ZNF705G: variants seen among roughly 807,000 people sequenced by gnomAD.
ZNF705G encodes putative zinc finger protein 705G.
ZNF705G carries 23 observed loss-of-function variants against 19.6 expected under a neutral mutation model. The ratio of observed to expected loss-of-function variants is 1.17; its 90% confidence interval spans 0.84 to 1.66. The LOEUF (loss-of-function observed/expected upper bound fraction) is 1.66. Ranked by LOEUF, ZNF705G falls within the 40% of genes most tolerant of loss-of-function variation. The pLI is 0.00. For missense variants in ZNF705G, 457 were observed against 354.4 expected (o/e 1.29, Z -2.32); for synonymous variants, 146 against 117.7 (o/e 1.24, Z -1.56).
rs1244703598 is a variant in ZNF705G, at chr8:7,356,139, C to G, written c.*1837G>C. On this transcript the variant is annotated 3_prime_UTR_variant, in exon 7 of 7. Coordinates refer to ENST00000400156, the MANE Select transcript of ZNF705G (RefSeq NM_001164457.3). ...ACATTTTTCAATTCTGAGGACAAGGCAGAGGAGGGCCCCTCTGTGAGAACT... is the reference window on the plus strand; with the variant it reads ...ACATTTTTCAATTCTGAGGACAAGGGAGAGGAGGGCCCCTCTGTGAGAACT... 2 of 149,262 alleles carry G rather than the reference C, an allele frequency of 1.3e-5. No homozygotes were observed. 9.2% of individuals were successfully genotyped at this position (149,262 alleles called of 1,614,324 possible). A position where few individuals can be genotyped will look rare whatever the true frequency, so the allele number is the denominator to read the frequency against.
chr8:7,358,615 T>G (rs1376666761), intron 6 of ZNF705G, 55 bp from the exon 7 acceptor site: 2 of 1,600,478 alleles, frequency 1.2e-6, no homozygotes, highest in Non-Finnish European at 1.7e-6. Context: ...ATCTATACAT[T>G]CATTTCACTA....
chr8:7,370,235 C>G (rs1280140823), intron 2 of ZNF705G, among the ~76,000 whole-genome samples: 9 of 145,992 alleles, frequency 6.2e-5, no homozygotes, highest in African/African-American at 2.5e-4. Context: ...CACGCCACTG[C>G]ACTCCAGCCT....
chr8:7,359,523 G>C (rs1302041949), intron 6 of ZNF705G, 96 bp downstream of exon 6: 6 of 1,566,462 alleles, frequency 3.8e-6, no homozygotes, highest in South Asian at 2.4e-5. Flanking sequence ...CTTAATGCCA[G>C]CTTAATTACA....
At chr8:7,379,738 A>C (rs2128847246) in intron 2 of ZNF705G, among the ~76,000 whole-genome samples, 1 of 147,430 alleles carries the variant, frequency 6.8e-6, no homozygotes, top group South Asian at 2.1e-4. Flanking sequence ...ACAGTCTCTC[A>C]GCCCTCGCAG....
At chr8:7,379,460 C>G (rs1170748032) in intron 2 of ZNF705G, among the ~76,000 whole-genome samples, 4 of 146,796 alleles carry the variant, frequency 2.7e-5, no homozygotes, top group African/African-American at 1.1e-4. Context: ...AGATGGCTGA[C>G]TAGAGGTACC....
At chr8:7,364,648 C>A (rs1228242691) in intron 2 of ZNF705G, among the ~76,000 whole-genome samples, 1 of 149,606 alleles carries the variant, frequency 6.7e-6, no homozygotes, top group Non-Finnish European at 1.5e-5. Flanking sequence ...TATTTAGACC[C>A]CAGGTCCCAA....
intron 5 of ZNF705G, 36 bp downstream of exon 5, chr8:7,360,201 C>G: frequency 6.3e-7 from 1 of 1,587,588 alleles, no homozygotes; most frequent in South Asian, 1.1e-5. Flanking sequence ...TGACAAAGCA[C>G]CTCCTCCTAT....
intron 2 of ZNF705G, among the ~76,000 whole-genome samples, chr8:7,380,802 C>A (rs1807456354): frequency 6.9e-6 from 1 of 145,210 alleles, no homozygotes; most frequent in East Asian, 1.9e-4. Context: ...GGCAGATCAC[C>A]CGAGGTCGGG....
rs111831357 is a variant in ZNF705G, at chr8:7,359,508, A to G, written c.318+111T>C. The G allele has an allele frequency of 6.0e-5, 93 of 1,546,790 alleles. 5 individuals carry two copies. The African/African-American group carries it at 9.2e-4, about 15-fold the overall frequency. On this transcript the variant is annotated intron_variant, in intron 6 of 6. Transcript: ENST00000400156. ...ATCCAATTTTTTTTTTTTGCTTAGA[A>G]AACACTTAATGCCAGCTTAATTACA...
At chr8:7,368,923 T>C (rs1377110175) in intron 2 of ZNF705G, among the ~76,000 whole-genome samples, 2 of 149,332 alleles carry the variant, frequency 1.3e-5, no homozygotes, top group Non-Finnish European at 2.9e-5. Context: ...GGTACAGGAG[T>C]ACACTGCTGA....
chr8:7,383,412 A>G (rs541970064), intron 1 of ZNF705G, among the ~76,000 whole-genome samples: 10 of 146,516 alleles, frequency 6.8e-5, no homozygotes, highest in Non-Finnish European at 1.2e-4. Context: ...CTAAAGTAAC[A>G]GGCACTGTCT....
Position 7,358,288 on chromosome 8 carries a change from C to G in ZNF705G, c.591G>C (p.Glu197Asp). The change falls in exon 7 of 7, where the codon GAG becomes GAC. Residue 197 changes from glutamate to aspartate, a missense_variant. Physicochemically the swap from Glu to Asp is conservative, Grantham distance 45 (BLOSUM62 2). Transcript: ENST00000400156. The part of the protein sequence containing the change: ...LRRHKMTHTG[E>D]RPYACHLCRK... ...TACATAGATGACATGCATATGGCCT[C>G]TCTCCAGTGTGAGTCATCTTGTGCC... 1.2e-6 allele frequency: 2 copies of G among 1,607,772 alleles called. No individual in the cohort carries two copies. The highest frequency in any genetic ancestry group is 1.7e-6 in the Non-Finnish European group (2 of 1,179,640).
At chr8:7,361,082 A>G (rs745643868) in intron 4 of ZNF705G, 28 bp downstream of exon 4, 64 of 1,592,750 alleles carry the variant, frequency 4.0e-5, no homozygotes, top group Non-Finnish European at 5.3e-5. Context: ...GTGTCTCTAC[A>G]TATGTACATG....
intron 2 of ZNF705G, among the ~76,000 whole-genome samples, chr8:7,365,786 C>T (rs9772086): frequency 0.37 from 54,930 of 146,610 alleles, 5,362 homozygotes; most frequent in African/African-American, 0.5. Flanking sequence ...AGCCCTTTCA[C>T]GGCTATTTAG....
At chr8:7,382,199 A>T (rs896167619) in intron 1 of ZNF705G, among the ~76,000 whole-genome samples, 2 of 150,486 alleles carry the variant, frequency 1.3e-5, no homozygotes, top group Admixed American at 1.3e-4. Context: ...GAAGAACAAC[A>T]ACAACGACAA....
rs1563287208 is a variant in ZNF705G at position 7,357,666 on chromosome 8, TG to T, written c.*309del. ...CATGTCATACAATTTCTCTTCCATA[TG>T]AATTTATTGATGTGGACTGAAGAAT... On this transcript the variant is annotated 3_prime_UTR_variant, in exon 7 of 7. Coordinates refer to ENST00000400156, the MANE Select transcript of ZNF705G (RefSeq NM_001164457.3). 2.0e-6 allele frequency: 1 copy of T among 494,020 alleles called. No individual in the cohort carries two copies. The allele number at this position is 494,020 out of a possible 1,614,324, so 30.6% of individuals were successfully genotyped here. A position where few individuals can be genotyped will look rare whatever the true frequency, so the allele number is the denominator to read the frequency against.
chr8:7,377,925 G>T (rs1483507193), intron 2 of ZNF705G, among the ~76,000 whole-genome samples: 1 of 93,350 alleles, frequency 1.1e-5, no homozygotes, highest in South Asian at 3.6e-4. Flanking sequence ...CTGCACTCCA[G>T]CCTGGGTGAC....
chr8:7,361,290 G>C, intron 3 of ZNF705G, 54 bp from the exon 4 acceptor site: 1 of 1,592,046 alleles, frequency 6.3e-7, no homozygotes. Context: ...TCAATGTCCG[G>C]AAGAGGAAGG....
At chr8:7,382,650 A>G (rs1420499864) in intron 1 of ZNF705G, among the ~76,000 whole-genome samples, 1 of 146,636 alleles carries the variant, frequency 6.8e-6, no homozygotes, top group Non-Finnish European at 1.5e-5. Context: ...TTTTGAATTC[A>G]TGCAAGATTA....
Sources: gnomAD v4.1 joint callset for allele counts (sites outside exome capture counted in the v4.1 genomes callset) on GRCh38, gnomAD v4.1.1 for gene constraint, MANE v1.5 for transcripts, NCBI Gene and HGNC (gene_info 2026-07-23, HGNC 2026-07-21) for gene names.